PLA2G6: variants seen among roughly 807,000 people sequenced by gnomAD.
PLA2G6 encodes the protein 85/88 kDa calcium-independent phospholipase A2.
PLA2G6 carries 62 observed loss-of-function variants against 83.8 expected under a neutral mutation model. The ratio of observed to expected loss-of-function variants is 0.74; its 90% confidence interval spans 0.60 to 0.91. PLA2G6 has a LOEUF of 0.91. Among genes scored for constraint, PLA2G6 ranks in the 40% least tolerant of loss-of-function variants. The probability of loss-of-function intolerance (pLI) is 0.00; values close to 1 mark genes in which losing one functional copy is unlikely to be tolerated. For missense variants in PLA2G6, 944 were observed against 1,102.0 expected (o/e 0.86, Z 2.03); for synonymous variants, 417 against 449.8 (o/e 0.93, Z 0.92).
chr22:38,164,427 C>T (rs2090138470), intron 2 of PLA2G6, among the ~76,000 whole-genome samples: 1 of 152,248 alleles, frequency 6.6e-6, no homozygotes, highest in South Asian at 2.1e-4. Context: ...AATGACCCCA[C>T]CTCGTGGGAC....
At position 38,123,335 on chromosome 22, in the gene PLA2G6, G is replaced by A. The variant is rs1448366221; in HGVS notation, c.1428-77C>T. 2 of 1,440,080 alleles carry A rather than the reference G, an allele frequency of 1.4e-6. No homozygotes were observed. The highest frequency in any genetic ancestry group is 2.0e-5 in the Admixed American group (1 of 50,832). The allele number at this position is 1,440,080 out of a possible 1,614,324, so 89.2% of individuals were successfully genotyped here. A position where few individuals can be genotyped will look rare whatever the true frequency, so the allele number is the denominator to read the frequency against. ...CTTTACATCCACCCTCATAGCCCTT[G>A]TCCCCTGCAGCTGTGTCCTGGCAGA... On this transcript the variant is annotated intron_variant, in intron 10 of 16. Coordinates refer to ENST00000332509, the MANE Select transcript of PLA2G6 (RefSeq NM_003560.4). This position sits in a 1 kb window ranked among gnomAD's most constrained non-coding sequence, Gnocchi z 4.1.
intron 3 of PLA2G6, chr22:38,144,934 G>A (rs142833471): frequency 2.4e-4 from 79 of 335,638 alleles, no homozygotes; most frequent in African/African-American, 1.6e-3. Context: ...ATGGTGGGTA[G>A]AAATCAGCTC....
In PLA2G6 at chr22:38,118,758, T is replaced by G. The variant is rs571158202; in HGVS notation, c.1742+2001A>C. On this transcript the variant is annotated intron_variant, in intron 12 of 16. Transcript: ENST00000332509. Reference sequence around the variant, plus strand: ...TTGTGAGTTTGTTTGTTTTTGTTTTTTTTTTTTTGTCTTAAGACAGGGTCT... The same window carrying G: ...TTGTGAGTTTGTTTGTTTTTGTTTTGTTTTTTTTGTCTTAAGACAGGGTCT... 9.9e-4 allele frequency among the ~76,000 whole-genome samples: 151 copies of G among 151,822 alleles called. 1 individual carries two copies. The highest frequency in any genetic ancestry group is 3.3e-3 in the African/African-American group (135 of 41,436).
intron 2 of PLA2G6, among the ~76,000 whole-genome samples, chr22:38,162,454 G>A (rs2090056897): frequency 6.6e-6 from 1 of 152,168 alleles, no homozygotes; most frequent in African/African-American, 2.4e-5. Context: ...AAGCGGCCAG[G>A]AGCAATTCCC....
chr22:38,179,581 C>T (rs1389566036), intron 1 of PLA2G6, among the ~76,000 whole-genome samples: 1 of 152,022 alleles, frequency 6.6e-6, no homozygotes, highest in African/African-American at 2.4e-5. Context: ...ATCAGGAGTT[C>T]GAGACCAGCC....
chr22:38,115,693 G>A lies in PLA2G6; in HGVS notation c.1880-12C>T. 1 of 1,591,758 alleles carries A rather than the reference G, an allele frequency of 6.3e-7. No homozygotes were observed. Among genetic ancestry groups the A allele is most frequent in the East Asian group, 2.3e-5 (1 of 44,006 alleles). On this transcript the variant is annotated splice_polypyrimidine_tract_variant and intron_variant, in intron 13 of 16. Transcript: ENST00000332509. ...CCACACCAGCTGGTCTAGGGGCGGG[G>A]AAGGAGGGCGGCCCAGTGGCACAAG...
chr22:38,178,556 G>A (rs2090724299), intron 1 of PLA2G6, among the ~76,000 whole-genome samples: 2 of 152,146 alleles, frequency 1.3e-5, no homozygotes, highest in South Asian at 4.1e-4. Flanking sequence ...CTGAGCGACA[G>A]TGAGACCCTG....
chr22:38,164,870 A>C (rs530620228), intron 2 of PLA2G6, among the ~76,000 whole-genome samples: 2 of 152,234 alleles, frequency 1.3e-5, no homozygotes, highest in Admixed American at 6.5e-5. Context: ...CCTGCTCTCC[A>C]CAGACCGCAG....
intron 2 of PLA2G6, among the ~76,000 whole-genome samples, chr22:38,155,132 C>G (rs2089724889): frequency 6.6e-6 from 1 of 151,598 alleles, no homozygotes. Flanking sequence ...GAGGCTGAGG[C>G]AGAAGAATGG....
At chr22:38,181,015 G>C (rs1200017771) in intron 1 of PLA2G6, among the ~76,000 whole-genome samples, 2 of 152,108 alleles carry the variant, frequency 1.3e-5, no homozygotes, top group African/African-American at 2.4e-5. Flanking sequence ...GGGGTCATGT[G>C]GGTAGCCCAT....
intron 1 of PLA2G6, chr22:38,180,289 C>T (rs1052193645): frequency 2.6e-5 from 4 of 152,120 alleles, no homozygotes; most frequent in East Asian, 1.9e-4. Flanking sequence ...AAGTAATCCA[C>T]GGAAGGAACA....
intron 14 of PLA2G6, among the ~76,000 whole-genome samples, chr22:38,115,145 C>T (rs1264247781): frequency 3.9e-5 from 6 of 152,212 alleles, no homozygotes; most frequent in East Asian, 1.9e-4. Flanking sequence ...AGAGGCCTCA[C>T]GGTCCTCCAC....
intron 2 of PLA2G6, among the ~76,000 whole-genome samples, chr22:38,164,636 C>A (rs2090147145): frequency 6.6e-6 from 1 of 152,176 alleles, no homozygotes; most frequent in Admixed American, 6.5e-5. Flanking sequence ...CTAATTCCAT[C>A]CCCCAGGTCC....
intron 1 of PLA2G6, among the ~76,000 whole-genome samples, chr22:38,173,117 G>A (rs1224252339): frequency 6.6e-6 from 1 of 152,202 alleles, no homozygotes; most frequent in Non-Finnish European, 1.5e-5. Flanking sequence ...GGGAGAAAGT[G>A]CTCACACGTG....
At chr22:38,112,720 C>A (rs981407110) in intron 15 of PLA2G6, 143 bp from the exon 16 acceptor site, 3 of 720,240 alleles carry the variant, frequency 4.2e-6, no homozygotes, top group Non-Finnish European at 7.4e-6. Flanking sequence ...AGCAGCAGAG[C>A]GGCTCGGGCA....
intron 2 of PLA2G6, among the ~76,000 whole-genome samples, chr22:38,160,573 G>A (rs570589074): frequency 6.6e-6 from 1 of 152,290 alleles, no homozygotes; most frequent in East Asian, 1.9e-4. Context: ...TTGGCCGGGG[G>A]CGGTGGCTCA....
At chr22:38,157,861 C>A (rs534568871) in intron 2 of PLA2G6, among the ~76,000 whole-genome samples, 7 of 152,052 alleles carry the variant, frequency 4.6e-5, no homozygotes, top group Admixed American at 4.6e-4. Context: ...ATGGTGAAAC[C>A]CCGTCTCTAC....
chr22:38,130,816 A>T (rs2088166989), intron 7 of PLA2G6: 1 of 151,700 alleles, frequency 6.6e-6, no homozygotes, highest in Non-Finnish European at 1.5e-5. Flanking sequence ...AGCCTGACCA[A>T]CATGGAGAAA....
intron 1 of PLA2G6, among the ~76,000 whole-genome samples, chr22:38,174,008 G>A (rs1263399029): frequency 6.6e-6 from 1 of 151,864 alleles, no homozygotes; most frequent in African/African-American, 2.4e-5. Context: ...AGCCAAGATT[G>A]CACTACTGCA....
Sources: gnomAD v4.1 joint callset for allele counts (sites outside exome capture counted in the v4.1 genomes callset) on GRCh38, gnomAD v4.1.1 for gene constraint, Gnocchi (gnomAD v3.1) non-coding constraint, MANE v1.5 for transcripts, NCBI Gene and HGNC (gene_info 2026-07-23, HGNC 2026-07-21) for gene names.